The following B3GLCT variants were observed in gnomAD, a reference collection of about 807,000 sequenced individuals.
B3GLCT encodes the protein beta-1,3-glucosyltransferase.
In B3GLCT, 65 loss-of-function variants were observed where a neutral mutation model predicts 63.4. The ratio of observed to expected loss-of-function variants is 1.03; its 90% CI spans 0.84 to 1.26. B3GLCT has a LOEUF of 1.26. B3GLCT is among the 50% of genes most tolerant of loss of function. B3GLCT has a pLI of 0.00. For synonymous variants in B3GLCT, 233 were observed against 219.2 expected, an observed-to-expected ratio of 1.06 and a Z score of -0.55; for missense variants, 577 against 604.8, an observed-to-expected ratio of 0.95 and a Z score of 0.48.
At chr13:31,245,928 C>T (rs910231119) in intron 4 of B3GLCT, among the ~76,000 whole-genome samples, 1 of 152,016 alleles carries the variant, frequency 6.6e-6, no homozygotes, top group African/African-American at 2.4e-5. Flanking sequence ...TCTGATTTAA[C>T]CTGTGATTAC....
chr13:31,205,106 G>A (rs1347203145), intron 1 of B3GLCT, among the ~76,000 whole-genome samples: 1 of 152,130 alleles, frequency 6.6e-6, no homozygotes, highest in Non-Finnish European at 1.5e-5. Context: ...TGGACAAGTT[G>A]AGTTCAAAAT....
intron 1 of B3GLCT, among the ~76,000 whole-genome samples, chr13:31,210,525 C>T (rs1869202823): frequency 6.6e-6 from 1 of 152,226 alleles, no homozygotes; most frequent in Non-Finnish European, 1.5e-5. Flanking sequence ...ACTCAAATTG[C>T]AGTATGCACT....
rs1239451482 is a variant in B3GLCT, at chr13:31,316,407, T to TTTTATATATATATATATATA, written c.1065-1158_1065-1157insTTATATATATATATATATAT. On this transcript the variant is annotated intron_variant, in intron 12 of 14. Coordinates refer to ENST00000343307, the MANE Select transcript of B3GLCT (RefSeq NM_194318.4). ...TGGAATCAAGGAGATTTTGGAGGTT[T>TTTTATATATATATATATATA]TATATATATATATATATATATATAA... Among the ~76,000 whole-genome samples, 127 of 40,846 alleles carry TTTTATATATATATATATATA rather than the reference T, an allele frequency of 3.1e-3. 1 individual carries two copies. Among genetic ancestry groups the TTTTATATATATATATATATA allele is most frequent in the African/African-American group, 6.5e-3 (100 of 15,284 alleles). 26.8% of individuals were successfully genotyped at this position (40,846 alleles called of 152,430 possible).
chr13:31,260,044 C>T (rs1365106628), intron 6 of B3GLCT, among the ~76,000 whole-genome samples: 8 of 152,094 alleles, frequency 5.3e-5, no homozygotes, highest in Admixed American at 5.2e-4. Flanking sequence ...TGCTCCTTTC[C>T]CCTGGCACAT....
At chr13:31,275,784 GAC>G (rs142413523) in intron 9 of B3GLCT, among the ~76,000 whole-genome samples, 9 of 151,700 alleles carry the variant, frequency 5.9e-5, no homozygotes, top group Admixed American at 2.0e-4. Flanking sequence ...TAAATACATA[GAC>G]ACACACACAC....
At chr13:31,216,786 C>CT (rs1395715329) in intron 2 of B3GLCT, among the ~76,000 whole-genome samples, 4 of 152,004 alleles carry the variant, frequency 2.6e-5, no homozygotes, top group African/African-American at 7.3e-5. Context: ...TGTTCTCATT[C>CT]TTTTTTATGG....
At chr13:31,312,319 G>C (rs929828899) in intron 12 of B3GLCT, 5 of 152,202 alleles carry the variant, frequency 3.3e-5, no homozygotes, top group Non-Finnish European at 7.3e-5. Flanking sequence ...CTTTTTCTGA[G>C]ATAAAGTTAC....
chr13:31,271,859 A>G (rs1872586630), intron 8 of B3GLCT, among the ~76,000 whole-genome samples: 1 of 152,230 alleles, frequency 6.6e-6, no homozygotes, highest in Non-Finnish European at 1.5e-5. Flanking sequence ...CTCTAAGGCT[A>G]TGTTAATTAG....
At chr13:31,242,044 A>G (rs748322733) in intron 4 of B3GLCT, among the ~76,000 whole-genome samples, 2 of 152,092 alleles carry the variant, frequency 1.3e-5, no homozygotes, top group Non-Finnish European at 2.9e-5. Flanking sequence ...AGCTCATTTA[A>G]CTCTATGAAT....
chr13:31,311,971 T>C (rs556917430), intron 12 of B3GLCT, among the ~76,000 whole-genome samples: 21 of 152,346 alleles, frequency 1.4e-4, no homozygotes, highest in African/African-American at 5.1e-4. Context: ...GAAAAAGGGT[T>C]AATGAACCAC....
intron 6 of B3GLCT, among the ~76,000 whole-genome samples, chr13:31,256,257 G>A (rs531718675): frequency 2.4e-4 from 37 of 152,310 alleles, no homozygotes; most frequent in African/African-American, 8.9e-4. Flanking sequence ...AGTTAGAATG[G>A]CGATCATTAA....
rs752410589 is a variant in B3GLCT at position 31,284,678 on chromosome 13, A to G, written c.881A>G (p.Gln294Arg). 6.2e-7 allele frequency: 1 copy of G among 1,610,712 alleles called. No individual in the cohort carries two copies. The highest frequency in any genetic ancestry group is 1.1e-5 in the South Asian group (1 of 90,996). Residue 294 changes from glutamine to arginine, a missense_variant, in exon 11 of 15, where the codon CAG becomes CGG. Coordinates refer to ENST00000343307, the MANE Select transcript of B3GLCT (RefSeq NM_194318.4). ...IPIVKQTWES[Q>R]ASLIEYYSDY... ...ATTGTTAAGCAGACTTGGGAGAGCC[A>G]GGCAAGTCTCATTGAATACTATAGT...
chr13:31,264,836 C>G (rs138712099), intron 7 of B3GLCT, among the ~76,000 whole-genome samples: 4 of 152,166 alleles, frequency 2.6e-5, no homozygotes, highest in African/African-American at 9.7e-5. Context: ...AATTAGCATG[C>G]TTTTGGATGC....
chr13:31,252,596 C>G (rs1204957739), intron 6 of B3GLCT, among the ~76,000 whole-genome samples: 1 of 152,018 alleles, frequency 6.6e-6, no homozygotes, highest in Non-Finnish European at 1.5e-5. Context: ...GACTTTAAAC[C>G]AAGAAAGATC....
chr13:31,218,293 G>T (rs1354921915), intron 2 of B3GLCT, among the ~76,000 whole-genome samples: 3 of 150,762 alleles, frequency 2.0e-5, no homozygotes, highest in African/African-American at 7.3e-5. Flanking sequence ...GGATTCAAGC[G>T]ATTCTCCTGC....
intron 7 of B3GLCT, among the ~76,000 whole-genome samples, chr13:31,263,282 C>A (rs1872131160): frequency 6.6e-6 from 1 of 152,160 alleles, no homozygotes; most frequent in African/African-American, 2.4e-5. Flanking sequence ...GAATTCAATT[C>A]CGTTTTTGTT....
chr13:31,270,396 A>G (rs1350143686), intron 8 of B3GLCT, among the ~76,000 whole-genome samples: 1 of 152,248 alleles, frequency 6.6e-6, no homozygotes, highest in Non-Finnish European at 1.5e-5. Flanking sequence ...TTAGAAAAAC[A>G]TAATTCTTCT....
intron 4 of B3GLCT, among the ~76,000 whole-genome samples, chr13:31,246,491 C>T (rs1173724958): frequency 6.6e-6 from 1 of 152,002 alleles, no homozygotes; most frequent in African/African-American, 2.4e-5. Context: ...TCGACCAAAA[C>T]TTTTTGTTAT....
At chr13:31,227,809 A>C (rs1870174074) in intron 3 of B3GLCT, among the ~76,000 whole-genome samples, 1 of 152,238 alleles carries the variant, frequency 6.6e-6, no homozygotes, top group South Asian at 2.1e-4. Context: ...CTCTGAGCTG[A>C]GGTGTTAAAG....
Sources: allele counts gnomAD v4.1 joint callset (sites outside exome capture counted in the v4.1 genomes callset), GRCh38; gene constraint gnomAD v4.1.1; transcripts MANE v1.5; gene names NCBI Gene and HGNC (gene_info 2026-07-23, HGNC 2026-07-21).